The following CAMKMT variants were observed in gnomAD, a reference collection of about 807,000 sequenced individuals.
The protein encoded by CAMKMT is calmodulin-lysine N-methyltransferase.
A neutral mutation model predicts 48.0 loss-of-function variants in CAMKMT; 53 were observed. That is an observed-to-expected ratio of 1.10 (90% CI 0.89 to 1.39). The LOEUF (loss-of-function observed/expected upper bound fraction) is 1.39, where lower values mean the gene tolerates loss of function less well. CAMKMT is among the 40% of genes most tolerant of loss of function. The pLI is 0.00. For missense variants in CAMKMT, 428 were observed against 402.7 expected, an observed-to-expected ratio of 1.06 and a Z score of -0.54; for synonymous variants, 165 against 152.3, an observed-to-expected ratio of 1.08 and a Z score of -0.61.
At chr2:44,558,730 T>C (rs987094531) in intron 3 of CAMKMT, among the ~76,000 whole-genome samples, 2 of 152,058 alleles carry the variant, frequency 1.3e-5, no homozygotes, top group Non-Finnish European at 2.9e-5. Flanking sequence ...GAGCTAAACG[T>C]TGAGTACACA....
At chr2:44,746,257 C>G (rs980883137) in intron 8 of CAMKMT, among the ~76,000 whole-genome samples, 7 of 152,196 alleles carry the variant, frequency 4.6e-5, no homozygotes, top group Non-Finnish European at 1.0e-4. Context: ...CCCTGAATAG[C>G]TAACCAGTGG....
intron 3 of CAMKMT, among the ~76,000 whole-genome samples, chr2:44,641,714 A>G (rs1005900615): frequency 5.3e-5 from 5 of 94,470 alleles, no homozygotes; most frequent in Admixed American, 5.2e-4. Flanking sequence ...CATGTCACCA[A>G]ACCAAAATAA....
chr2:44,602,683 G>A (rs1172205126), intron 3 of CAMKMT, among the ~76,000 whole-genome samples: 1 of 152,030 alleles, frequency 6.6e-6, no homozygotes, highest in Non-Finnish European at 1.5e-5. Flanking sequence ...TACTACGGCA[G>A]AGCTGGAGAG....
intron 3 of CAMKMT, among the ~76,000 whole-genome samples, chr2:44,418,040 A>G (rs1033903916): frequency 1.3e-5 from 2 of 152,096 alleles, no homozygotes; most frequent in African/African-American, 2.4e-5. Flanking sequence ...AAAAATATAA[A>G]AAGTAGTCGG....
At chr2:44,553,294 CTT>C (rs1264576047) in intron 3 of CAMKMT, among the ~76,000 whole-genome samples, 1 of 151,554 alleles carries the variant, frequency 6.6e-6, no homozygotes, top group Non-Finnish European at 1.5e-5. Context: ...TCTAAAGTGA[CTT>C]TTAATCTCTG....
At chr2:44,577,697 C>T (rs116548322) in intron 3 of CAMKMT, among the ~76,000 whole-genome samples, 3 of 59,426 alleles carry the variant, frequency 5.0e-5, no homozygotes, top group Non-Finnish European at 8.0e-5. Context: ...GAGAGGGAGA[C>T]GGAGAGGGAG....
At chr2:44,549,676 T>C in intron 3 of CAMKMT, 1 of 567,196 alleles carries the variant, frequency 1.8e-6, no homozygotes, top group East Asian at 3.0e-5. Context: ...ATTATGATAC[T>C]CTTGCTTATT....
chr2:44,448,508 T>C (rs1457610801), intron 3 of CAMKMT, among the ~76,000 whole-genome samples: 1 of 152,202 alleles, frequency 6.6e-6, no homozygotes, highest in Non-Finnish European at 1.5e-5. Context: ...ACTATTTAAG[T>C]ATTGCTTTCT....
chr2:44,599,901 G>A (rs1382608635), intron 3 of CAMKMT, among the ~76,000 whole-genome samples: 5 of 151,742 alleles, frequency 3.3e-5, no homozygotes, highest in South Asian at 4.1e-4. Context: ...TCCAATGTGG[G>A]AATTTTTATG....
In CAMKMT at chr2:44,507,896, G is replaced by A. The variant is rs185640379; in HGVS notation, c.376+117591G>A. 3.5e-3 allele frequency among the ~76,000 whole-genome samples: 538 copies of A among 152,210 alleles called. 2 individuals are homozygous for A. The highest frequency in any genetic ancestry group is 0.012 in the African/African-American group (518 of 41,526). On this transcript the variant is annotated intron_variant, in intron 3 of 10. Coordinates refer to ENST00000378494, the MANE Select transcript of CAMKMT (RefSeq NM_024766.5). ...CATTCTGATGCAAGAAACTTACCTCGGCACAAACTGGCAACAGACACTTCA... is the reference window on the plus strand; with the variant it reads ...CATTCTGATGCAAGAAACTTACCTCAGCACAAACTGGCAACAGACACTTCA...
intron 3 of CAMKMT, among the ~76,000 whole-genome samples, chr2:44,552,732 A>G (rs943364986): frequency 2.0e-5 from 3 of 152,220 alleles, no homozygotes; most frequent in African/African-American, 7.2e-5. Flanking sequence ...TAATTTGTCC[A>G]AAGTCATATG....
chr2:44,772,113 G>T lies in CAMKMT; in HGVS notation c.972G>T (p.Ter324TyrextTer25). Residue 324 changes from the stop codon to tyrosine (Y), a stop_lost, in exon 11 of 11, where the codon TAG becomes TAT. Coordinates refer to ENST00000378494, the MANE Select transcript of CAMKMT (RefSeq NM_024766.5). ...TGCTTATTTTGACCAAACATGGATA[G>T]AAGATTAAGCTTCTCAAAGACGAAG... ...PLLLILTKHG[*>Y] 1 of 1,612,102 alleles carries T rather than the reference G, an allele frequency of 6.2e-7. No homozygotes were observed. The highest frequency in any genetic ancestry group is 8.5e-7 in the Non-Finnish European group (1 of 1,178,706).
chr2:44,690,624 A>G (rs889247752), intron 3 of CAMKMT, among the ~76,000 whole-genome samples: 1 of 152,188 alleles, frequency 6.6e-6, no homozygotes, highest in Non-Finnish European at 1.5e-5. Flanking sequence ...TCATCCATGT[A>G]AAGTACACAG....
intron 3 of CAMKMT, among the ~76,000 whole-genome samples, chr2:44,580,298 A>G (rs1368972583): frequency 1.7e-5 from 2 of 116,906 alleles, no homozygotes; most frequent in East Asian, 2.4e-4. Flanking sequence ...TGAATTAGAA[A>G]CGATAATAAT....
intron 3 of CAMKMT, among the ~76,000 whole-genome samples, chr2:44,475,287 G>C (rs755380454): frequency 3.3e-5 from 5 of 151,132 alleles, no homozygotes; most frequent in Non-Finnish European, 4.4e-5. Context: ...TTGAAAAGTT[G>C]AAGTTTTTAA....
At chr2:44,734,103 CT>C (rs1679228460) in intron 7 of CAMKMT, among the ~76,000 whole-genome samples, 1 of 135,708 alleles carries the variant, frequency 7.4e-6, no homozygotes, top group Non-Finnish European at 1.6e-5. Context: ...TTTTTTTTTT[CT>C]GGTCAAGTTT....
rs1306708805 is a variant in CAMKMT, at chr2:44,720,038, T to TA, written c.623+4686dup. On this transcript the variant is annotated intron_variant, in intron 7 of 10. Transcript: ENST00000378494. ...TGAAATTATCATGTGTACTTTCTGT[T>TA]ACTAACATAACACTGTTGATTTGCT... Among the ~76,000 whole-genome samples the TA allele has an allele frequency of 2.0e-5, 3 of 152,350 alleles. No individual in the cohort carries two copies. The East Asian group carries it at 5.8e-4, about 29-fold the overall frequency.
intron 3 of CAMKMT, among the ~76,000 whole-genome samples, chr2:44,691,612 C>G (rs1676659756): frequency 6.6e-6 from 1 of 152,208 alleles, no homozygotes; most frequent in East Asian, 1.9e-4. Flanking sequence ...ATCTGCCCTT[C>G]TCTCAGCTCA....
At chr2:44,700,957 T>C (rs1380465267) in intron 3 of CAMKMT, among the ~76,000 whole-genome samples, 1 of 152,188 alleles carries the variant, frequency 6.6e-6, no homozygotes, top group African/African-American at 2.4e-5. Context: ...CCCATCTATG[T>C]TGTAGCATGT....
Sources: gnomAD v4.1 joint callset for allele counts (sites outside exome capture counted in the v4.1 genomes callset) on GRCh38, gnomAD v4.1.1 for gene constraint, MANE v1.5 for transcripts, NCBI Gene and HGNC (gene_info 2026-07-23, HGNC 2026-07-21) for gene names.